Variants in PCCA observed in about 807,000 individuals in gnomAD.
PCCA encodes propionyl-CoA carboxylase alpha chain, mitochondrial.
Under a neutral mutation model 101.3 loss-of-function variants are expected in PCCA, and 74 were observed. The observed-to-expected ratio is 0.73, with a 90% confidence interval of 0.61 to 0.89. The LOEUF (loss-of-function observed/expected upper bound fraction) is 0.89, where lower values mean the gene tolerates loss of function less well. Among genes scored for constraint, PCCA ranks in the 40% least tolerant of loss-of-function variants. The pLI, the probability that PCCA is intolerant of heterozygous loss-of-function variation, is 0.00. For missense variants in PCCA, 891 were observed against 907.0 expected, an observed-to-expected ratio of 0.98 and a Z score of 0.23; for synonymous variants, 294 against 313.6, an observed-to-expected ratio of 0.94 and a Z score of 0.66.
chr13:100,249,307 T>C (rs925649773), intron 8 of PCCA, among the ~76,000 whole-genome samples: 6 of 152,228 alleles, frequency 3.9e-5, no homozygotes, highest in Non-Finnish European at 5.9e-5. Context: ...TTAATTTTCT[T>C]GCATAATGAA....
Position 100,377,405 on chromosome 13 carries a change from G to A in PCCA, c.1746+8831G>A, listed in dbSNP as rs1430365721. On this transcript the variant is annotated intron_variant, in intron 19 of 23. Transcript: ENST00000376285. Reference sequence around the variant, plus strand: ...CCATCCCTTTACTTTCAGACTATTTGTGTCTTTAAGGGTGAAGTGTGTTTC... The same window carrying A: ...CCATCCCTTTACTTTCAGACTATTTATGTCTTTAAGGGTGAAGTGTGTTTC... Among the ~76,000 whole-genome samples, 3 of 152,068 alleles carry A rather than the reference G, an allele frequency of 2.0e-5. No individual in the cohort carries two copies. The East Asian group carries it at 5.8e-4, about 29-fold the overall frequency.
At chr13:100,339,073 T>C (rs764564411) in intron 17 of PCCA, among the ~76,000 whole-genome samples, 1 of 152,134 alleles carries the variant, frequency 6.6e-6, no homozygotes, top group Admixed American at 6.6e-5. Context: ...CCACAGAAGC[T>C]CAATTCCCCA....
At chr13:100,290,405 A>G (rs1026863040) in intron 12 of PCCA, among the ~76,000 whole-genome samples, 2 of 151,718 alleles carry the variant, frequency 1.3e-5, no homozygotes, top group African/African-American at 4.8e-5. Context: ...TAGAGACGAG[A>G]TCTCACTTTG....
chr13:100,135,435 G>T (rs546331674), intron 4 of PCCA, among the ~76,000 whole-genome samples: 1 of 152,022 alleles, frequency 6.6e-6, no homozygotes. Context: ...GTGAGACTCC[G>T]TTATTGTTTA....
intron 6 of PCCA, among the ~76,000 whole-genome samples, chr13:100,182,171 T>C (rs557104766): frequency 6.7e-6 from 1 of 148,750 alleles, no homozygotes; most frequent in East Asian, 2.0e-4. Context: ...GATCTTGGCT[T>C]ACTGCAACCT....
intron 16 of PCCA, among the ~76,000 whole-genome samples, chr13:100,326,132 T>C (rs2068649758): frequency 6.6e-6 from 1 of 152,208 alleles, no homozygotes; most frequent in Non-Finnish European, 1.5e-5. Context: ...GAGAAAACTT[T>C]GTCTGGATGT....
intron 6 of PCCA, among the ~76,000 whole-genome samples, chr13:100,197,579 G>A (rs2058194479): frequency 6.6e-6 from 1 of 152,092 alleles, no homozygotes; most frequent in South Asian, 2.1e-4. Flanking sequence ...GAGTTGCTAG[G>A]ATTACAGGAG....
chr13:100,377,696 G>A (rs548954501), intron 19 of PCCA, among the ~76,000 whole-genome samples: 50 of 151,914 alleles, frequency 3.3e-4, no homozygotes, highest in South Asian at 8.3e-4. Context: ...GGGTTTCACC[G>A]TGTTAGCCAG....
chr13:100,350,603 A>G (rs1878144672), intron 18 of PCCA, among the ~76,000 whole-genome samples: 1 of 152,240 alleles, frequency 6.6e-6, no homozygotes, highest in Non-Finnish European at 1.5e-5. Flanking sequence ...GTGGATAAGA[A>G]AGCACATTTA....
intron 6 of PCCA, among the ~76,000 whole-genome samples, chr13:100,183,784 C>T (rs1025804604): frequency 1.3e-5 from 2 of 152,124 alleles, no homozygotes; most frequent in Non-Finnish European, 2.9e-5. Context: ...GCGAGGGGCC[C>T]TGGGTACTGG....
intron 18 of PCCA, among the ~76,000 whole-genome samples, chr13:100,367,462 A>G (rs1007089072): frequency 6.6e-6 from 1 of 151,812 alleles, no homozygotes; most frequent in African/African-American, 2.4e-5. Context: ...TGTTGAACTC[A>G]TAAGTCATTT....
chr13:100,276,013 G>A (rs2063628264), intron 12 of PCCA, among the ~76,000 whole-genome samples: 1 of 151,628 alleles, frequency 6.6e-6, no homozygotes, highest in Non-Finnish European at 1.5e-5. Flanking sequence ...GGTTTACTTG[G>A]GACAATCTCT....
At position 100,309,901 on chromosome 13, in the gene PCCA, T is replaced by C. The variant is rs2066771458; in HGVS notation, c.1422T>C (p.Val474=). The C allele has an allele frequency of 6.2e-7, 1 of 1,610,522 alleles. No homozygotes were observed. The highest frequency in any genetic ancestry group is 8.5e-7 in the Non-Finnish European group (1 of 1,176,786). Residue 474 remains valine, a synonymous_variant, in exon 16 of 24, where the codon GTT becomes GTC. Coordinates refer to ENST00000376285, the MANE Select transcript of PCCA (RefSeq NM_000282.4). The part of the protein sequence containing the change: ...KRMADALDNY[V]IRGVTHNIAL... ...TGGCAGATGCACTGGATAACTATGT[T>C]ATTCGAGGTAAAAACAAAGATTTGC...
intron 6 of PCCA, among the ~76,000 whole-genome samples, chr13:100,166,716 T>C (rs2055074508): frequency 6.6e-6 from 1 of 152,226 alleles, no homozygotes; most frequent in African/African-American, 2.4e-5. Flanking sequence ...AGCTTTTAAC[T>C]ACAACTAGAG....
At position 100,244,380 on chromosome 13, in the gene PCCA, A is replaced by C. The variant is rs369777774; in HGVS notation, c.637+8502A>C. Among the ~76,000 whole-genome samples the C allele has an allele frequency of 9.7e-4, 147 of 152,222 alleles. 4 individuals carry two copies. The South Asian group carries it at 0.028, about 29-fold the overall frequency. ...TTATATTTTCTTTTATTATTCCAAC[A>C]TGCACATTTGGGTTTAAGCATAATT... On this transcript the variant is annotated intron_variant, in intron 8 of 23. Transcript: ENST00000376285.
At chr13:100,322,168 G>A (rs755554658) in intron 16 of PCCA, among the ~76,000 whole-genome samples, 12 of 152,138 alleles carry the variant, frequency 7.9e-5, no homozygotes, top group Non-Finnish European at 4.4e-5. Flanking sequence ...CACCCATCCT[G>A]ATGTGCCACT....
intron 8 of PCCA, among the ~76,000 whole-genome samples, chr13:100,253,982 G>C (rs1318028280): frequency 6.6e-6 from 1 of 151,800 alleles, no homozygotes; most frequent in Non-Finnish European, 1.5e-5. Context: ...ATACATACCT[G>C]AGACTGGGTA....
chr13:100,424,827 A>G lies in PCCA; in HGVS notation c.1747-806A>G, dbSNP rs527379081. 3.9e-5 allele frequency among the ~76,000 whole-genome samples: 6 copies of G among 152,330 alleles called. 1 individual carries two copies. Among genetic ancestry groups the G allele is most frequent in the African/African-American group, 1.4e-4 (6 of 41,574 alleles). On this transcript the variant is annotated intron_variant, in intron 19 of 23. Transcript: ENST00000376285. ...TGCAGGTTTATCTGGAAACTTGAGCAAGATTAAGTATCACCTTGTTAGGTT... is the reference window on the plus strand; with the variant it reads ...TGCAGGTTTATCTGGAAACTTGAGCGAGATTAAGTATCACCTTGTTAGGTT...
chr13:100,201,009 A>G lies in PCCA; in HGVS notation c.469-8323A>G, dbSNP rs373233932. On this transcript the variant is annotated intron_variant, in intron 6 of 23. Transcript: ENST00000376285. ...AATGACAGAATTAGAGTATCTCACA[A>G]TTGCTTATTTGTCTTGTCCTGTGCT... Among the ~76,000 whole-genome samples, 153 of 152,252 alleles carry G rather than the reference A, an allele frequency of 1.0e-3. 4 individuals are homozygous for G. The South Asian group carries it at 0.028, about 28-fold the overall frequency.
Sources: allele counts gnomAD v4.1 joint callset (sites outside exome capture counted in the v4.1 genomes callset), GRCh38; gene constraint gnomAD v4.1.1; transcripts MANE v1.5; gene names NCBI Gene and HGNC (gene_info 2026-07-23, HGNC 2026-07-21).